The following SLC37A3 variants were observed in gnomAD, a reference collection of about 807,000 sequenced individuals.
The protein encoded by SLC37A3 is sugar phosphate exchanger 3.
SLC37A3 carries 51 observed loss-of-function variants against 67.1 expected under a neutral mutation model. That is an observed-to-expected ratio of 0.76 (90% CI 0.61 to 0.96). The LOEUF (loss-of-function observed/expected upper bound fraction) is 0.96, where lower values mean the gene tolerates loss of function less well. SLC37A3 is among the 40% of genes least tolerant of loss of function. The probability of loss-of-function intolerance (pLI) is 0.00; values close to 1 mark genes in which losing one functional copy is unlikely to be tolerated. For missense variants in SLC37A3, 508 were observed against 603.0 expected (o/e 0.84, Z 1.65); for synonymous variants, 214 against 231.4 (o/e 0.92, Z 0.68).
At chr7:140,387,669 TATTATATATAA>T (rs1798512634) in intron 1 of SLC37A3, among the ~76,000 whole-genome samples, 1 of 113,662 alleles carries the variant, frequency 8.8e-6, no homozygotes, top group African/African-American at 3.4e-5. Flanking sequence ...AATATAAATA[TATTATATATAA>T]ATATATTATA....
chr7:140,388,680 G>A (rs187740274), intron 1 of SLC37A3, among the ~76,000 whole-genome samples: 81 of 151,942 alleles, frequency 5.3e-4, no homozygotes, highest in African/African-American at 1.8e-3. Flanking sequence ...GCGTGGTAGC[G>A]GGCGCTTGTA....
At chr7:140,381,188 G>A (rs777959187) in intron 2 of SLC37A3, among the ~76,000 whole-genome samples, 6 of 138,500 alleles carry the variant, frequency 4.3e-5, no homozygotes, top group African/African-American at 7.8e-5. Flanking sequence ...ATGAGCCACC[G>A]TGCCTGGCCA....
At position 140,343,490 on chromosome 7, in the gene SLC37A3, G is replaced by A. The variant is rs1262283259; in HGVS notation, c.1248C>T (p.Ile416=). ...TGGCCAAAGCTTCACTGCTCCTTTG[G>A]ATGAGCTCCTGGCGACCCAAGTCCG... ...ISADLGRQEL[I]QRSSEALATV... is the part of the protein sequence containing the mutation. Residue 416 remains isoleucine (I), a synonymous_variant, in exon 13 of 15, where the codon ATC becomes ATT. Transcript: ENST00000326232. The A allele has an allele frequency of 1.9e-6, 3 of 1,613,914 alleles. No individual in the cohort carries two copies. The highest frequency in any genetic ancestry group is 1.7e-5 in the Admixed American group (1 of 59,956).
At chr7:140,340,621 T>C (rs1041758264) in intron 13 of SLC37A3, among the ~76,000 whole-genome samples, 17 of 133,650 alleles carry the variant, frequency 1.3e-4, no homozygotes, top group African/African-American at 5.2e-4. Flanking sequence ...CAACTTTGTC[T>C]TTTTTTTTTT....
At chr7:140,355,969 C>G (rs1797010073) in intron 6 of SLC37A3, among the ~76,000 whole-genome samples, 1 of 152,056 alleles carries the variant, frequency 6.6e-6, no homozygotes, top group Non-Finnish European at 1.5e-5. Context: ...CCAAGGCGGA[C>G]AGATCACCTG....
At chr7:140,364,741 AAAG>A (rs1797532573) in intron 4 of SLC37A3, among the ~76,000 whole-genome samples, 1 of 152,124 alleles carries the variant, frequency 6.6e-6, no homozygotes, top group Non-Finnish European at 1.5e-5. Flanking sequence ...TTAAAAAAAA[AAAG>A]AAATGGCAGC....
intron 1 of SLC37A3, among the ~76,000 whole-genome samples, chr7:140,385,447 T>C (rs1316113631): frequency 6.6e-6 from 1 of 152,188 alleles, no homozygotes; most frequent in Non-Finnish European, 1.5e-5. Flanking sequence ...AATCATTCTC[T>C]ATGAATCGTA....
intron 1 of SLC37A3, among the ~76,000 whole-genome samples, chr7:140,396,532 G>GT (rs904942836): frequency 6.6e-6 from 1 of 151,982 alleles, no homozygotes; most frequent in African/African-American, 2.4e-5. Flanking sequence ...CTTCCTCCCT[G>GT]TTTTTGGACA....
chr7:140,394,639 C>T (rs1219672133), intron 1 of SLC37A3, among the ~76,000 whole-genome samples: 1 of 145,954 alleles, frequency 6.9e-6, no homozygotes, highest in Admixed American at 6.7e-5. Context: ...AACAGGGTCT[C>T]GCTCTGTCGC....
intron 5 of SLC37A3, among the ~76,000 whole-genome samples, chr7:140,359,110 G>A (rs1225975794): frequency 3.9e-5 from 6 of 152,134 alleles, no homozygotes; most frequent in African/African-American, 1.4e-4. Context: ...TTGGGAGGCC[G>A]AGGAGGGCAG....
rs1482167106 is a variant in SLC37A3 at position 140,348,743 on chromosome 7, T to C, written c.907A>G (p.Lys303Glu). ...IPYSLAYACL[K>E]LVNYSFFFWL... ...AAGAAGAAGGAGTAATTCACTAACTTCAAGCAGGCGTAGGCCAGTGAGTAC... is the reference window on the plus strand; with the variant it reads ...AAGAAGAAGGAGTAATTCACTAACTCCAAGCAGGCGTAGGCCAGTGAGTAC... Residue 303 changes from lysine to glutamate, a missense_variant, in exon 10 of 15, where the codon AAG becomes GAG. Physicochemically the swap from Lys to Glu is moderately conservative, Grantham distance 56. Transcript: ENST00000326232. The C allele has an allele frequency of 1.2e-6, 2 of 1,614,026 alleles. No individual in the cohort carries two copies. The highest frequency in any genetic ancestry group is 2.7e-5 in the African/African-American group (2 of 74,936).
chr7:140,380,540 T>G, intron 2 of SLC37A3, 150 bp from the exon 3 acceptor site: 1 of 549,682 alleles, frequency 1.8e-6, no homozygotes, highest in Non-Finnish European at 3.2e-6. Context: ...AGAGAGGCTC[T>G]CTCAATTTTA....
intron 3 of SLC37A3, among the ~76,000 whole-genome samples, chr7:140,372,654 A>C (rs186410432): frequency 0.011 from 1,602 of 152,172 alleles, 10 homozygotes; most frequent in Non-Finnish European, 0.015. Flanking sequence ...CTTGAAGTCA[A>C]AAGTTCAAGA....
chr7:140,337,086 G>A (rs189173769), intron 14 of SLC37A3, among the ~76,000 whole-genome samples, 198 bp downstream of exon 14: 185 of 122,426 alleles, frequency 1.5e-3, no homozygotes, highest in African/African-American at 5.7e-3. Context: ...GCAACAGAGC[G>A]AGACTCTGCC....
intron 9 of SLC37A3, among the ~76,000 whole-genome samples, chr7:140,350,015 T>C (rs1459807487): frequency 1.3e-5 from 2 of 152,216 alleles, no homozygotes; most frequent in Non-Finnish European, 2.9e-5. Context: ...TTGTTGGAAA[T>C]GTTAGTTCTC....
At chr7:140,348,601 T>C (rs561271206) in intron 10 of SLC37A3, 25 bp downstream of exon 10, 24 of 1,583,874 alleles carry the variant, frequency 1.5e-5, no homozygotes, top group Middle Eastern at 3.3e-4. Context: ...CTCTTTATTA[T>C]GGAAAAGATG....
chr7:140,386,082 CTTAT>C (rs537844890), intron 1 of SLC37A3, among the ~76,000 whole-genome samples: 14 of 151,822 alleles, frequency 9.2e-5, no homozygotes, highest in African/African-American at 2.9e-4. Flanking sequence ...CATGCCTGGC[CTTAT>C]TTATTTATTT....
rs749578120 is a variant in SLC37A3, at chr7:140,369,597, TAGG to T, written c.281_283del (p.Ser94del). The T allele has an allele frequency of 3.7e-6, 6 of 1,613,630 alleles. No individual in the cohort carries two copies. The South Asian group carries it at 4.4e-5, about 12-fold the overall frequency. On this transcript the variant is annotated inframe_deletion, in exon 4 of 15. Coordinates refer to ENST00000326232, the MANE Select transcript of SLC37A3 (RefSeq NM_207113.3). ...TAGAGTTCCAAAACTTACCACAGCA[TAGG>T]AGAAGAGGAAAATGGTATCCAGTGT...
At chr7:140,351,001 G>A in intron 9 of SLC37A3, among the ~76,000 whole-genome samples, 1 of 152,126 alleles carries the variant, frequency 6.6e-6, no homozygotes, top group Non-Finnish European at 1.5e-5. Context: ...GGCTTATTTT[G>A]TTCTACAAAG....
Sources: allele counts gnomAD v4.1 joint callset (sites outside exome capture counted in the v4.1 genomes callset), GRCh38; gene constraint gnomAD v4.1.1; transcripts MANE v1.5; gene names NCBI Gene and HGNC (gene_info 2026-07-23, HGNC 2026-07-21).